Variants in MT2A observed in about 807,000 individuals in gnomAD.
MT2A encodes the protein metallothionein 2A.
A neutral mutation model predicts 9.9 loss-of-function variants in MT2A; 6 were observed. That is an observed-to-expected ratio of 0.61 (90% CI 0.33 to 1.20). The LOEUF (loss-of-function observed/expected upper bound fraction) is 1.20. MT2A is among the 50% of genes most tolerant of loss of function. The probability of loss-of-function intolerance (pLI) is 0.04; values close to 1 mark genes in which losing one functional copy is unlikely to be tolerated. For missense variants in MT2A, 57 were observed against 78.2 expected, an observed-to-expected ratio of 0.73 and a Z score of 1.02; for synonymous variants, 27 against 28.7, an observed-to-expected ratio of 0.94 and a Z score of 0.18.
chr16:56,609,188 C>T (rs746379250), intron 2 of MT2A, 75 bp from the exon 3 acceptor site: 2 of 1,612,882 alleles, frequency 1.2e-6, no homozygotes, highest in African/African-American at 1.3e-5. Context: ...CTCAGTGATC[C>T]TTATCAGGGA....
rs1959995705 is a variant in MT2A, at chr16:56,608,687, A to G, written c.28+4A>G. On this transcript the variant is annotated splice_donor_region_variant and intron_variant, in intron 1 of 2. Transcript: ENST00000245185. ...CCCAACTGCTCCTGCGCCGCCGGTAAGAGGCTGGGGATGCCCAGTGTAGAC... is the reference window on the plus strand; with the variant it reads ...CCCAACTGCTCCTGCGCCGCCGGTAGGAGGCTGGGGATGCCCAGTGTAGAC... 2 of 1,614,096 alleles carry G rather than the reference A, an allele frequency of 1.2e-6. No homozygotes were observed. Among genetic ancestry groups the G allele is most frequent in the East Asian group, 4.5e-5 (2 of 44,866 alleles).
rs2037525937 is a variant in MT2A, at chr16:56,608,591, C to T, written c.-65C>T. The T allele has an allele frequency of 1.2e-6, 2 of 1,606,158 alleles. No homozygotes were observed. The highest frequency in any genetic ancestry group is 2.7e-5 in the African/African-American group (2 of 74,808). On this transcript the variant is annotated 5_prime_UTR_variant, in exon 1 of 3. Transcript: ENST00000245185. ...CTTGCCGCGCTGCACTCCACCACGC[C>T]TCCTCCAAGTCCCAGCGAACCCGCG...
rs763453877 is a variant in MT2A, at chr16:56,609,378, A to T, written c.*24A>T. The T allele has an allele frequency of 1.0e-4, 164 of 1,611,872 alleles. No homozygotes were observed. Among genetic ancestry groups the T allele is most frequent in the Non-Finnish European group, 1.4e-4 (160 of 1,179,200 alleles). On this transcript the variant is annotated 3_prime_UTR_variant, in exon 3 of 3. Transcript: ENST00000245185. ...GATGCTGGGACAGCCCCGCTCCCAG[A>T]TGTAAAGAACGCGACTTCCACAAAC...
chr16:56,608,953 T>C (rs1165352243), intron 1 of MT2A, 39 bp from the exon 2 acceptor site: 2 of 1,604,284 alleles, frequency 1.2e-6, no homozygotes, highest in Non-Finnish European at 1.7e-6. Context: ...TGTTCAGGTA[T>C]CCAGGGACGG....
At position 56,609,421 on chromosome 16, in the gene MT2A, A is replaced by G; in HGVS notation, c.*67A>G. On this transcript the variant is annotated 3_prime_UTR_variant, in exon 3 of 3. Transcript: ENST00000245185. ...CCACAAACCTGGATTTTTTATGTAC[A>G]ACCCTGACCGTGACCGTTTGCTATA... is the stretch of plus-strand genomic sequence containing the variant. 2.5e-6 allele frequency: 4 copies of G among 1,573,292 alleles called. No individual in the cohort carries two copies. In the South Asian group the frequency reaches 4.6e-5, roughly 18 times the overall value.
chr16:56,609,085 C>T (rs1960001483), intron 2 of MT2A, 28 bp downstream of exon 2: 1 of 1,613,722 alleles, frequency 6.2e-7, no homozygotes, highest in East Asian at 2.2e-5. Flanking sequence ...TTTCCTCTAC[C>T]CCTTCCCTGT....
At position 56,609,466 on chromosome 16, in the gene MT2A, A is replaced by G; in HGVS notation, c.*112A>G. The G allele has an allele frequency of 7.4e-7, 1 of 1,354,594 alleles. No homozygotes were observed. 83.9% of individuals were successfully genotyped at this position (1,354,594 alleles called of 1,614,324 possible). On this transcript the variant is annotated 3_prime_UTR_variant, in exon 3 of 3. Coordinates refer to ENST00000245185, the MANE Select transcript of MT2A (RefSeq NM_005953.5). ...GCTATATTCCTTTTTCTATGAAATAATGTGAATGATAATAAAACAGCTTTG... is the reference window on the plus strand; with the variant it reads ...GCTATATTCCTTTTTCTATGAAATAGTGTGAATGATAATAAAACAGCTTTG...
Position 56,609,426 on chromosome 16 carries a change from T to C in MT2A, c.*72T>C. The C allele has an allele frequency of 1.3e-6, 2 of 1,540,576 alleles. No individual in the cohort carries two copies. The highest frequency in any genetic ancestry group is 1.4e-5 in the African/African-American group (1 of 72,604). On this transcript the variant is annotated 3_prime_UTR_variant, in exon 3 of 3. Transcript: ENST00000245185. ...AACCTGGATTTTTTATGTACAACCC[T>C]GACCGTGACCGTTTGCTATATTCCT... is the stretch of plus-strand genomic sequence containing the variant.
chr16:56,608,976 T>A lies in MT2A; in HGVS notation c.29-16T>A, dbSNP rs1355302521. 1 of 1,613,990 alleles carries A rather than the reference T, an allele frequency of 6.2e-7. No homozygotes were observed. Among genetic ancestry groups the A allele is most frequent in the Non-Finnish European group, 8.5e-7 (1 of 1,180,010 alleles). ...TATCCAGGGACGGTTCTCACCTCTG[T>A]CTTTTCTCCTTGCAGGTGACTCCTG... On this transcript the variant is annotated splice_polypyrimidine_tract_variant and intron_variant, in intron 1 of 2. Transcript: ENST00000245185.
rs557632239 is a variant in MT2A, at chr16:56,609,152, C to T, written c.94+95C>T. Reference sequence around the variant, plus strand: ...GGGGAATTAAAGCAGTCTGGGGATGCCCCATTGCGCGGAAATTGTTGCCTC... The same window carrying T: ...GGGGAATTAAAGCAGTCTGGGGATGTCCCATTGCGCGGAAATTGTTGCCTC... On this transcript the variant is annotated intron_variant, in intron 2 of 2. Transcript: ENST00000245185. 1.0e-4 allele frequency: 168 copies of T among 1,608,480 alleles called. 1 individual carries two copies. Among genetic ancestry groups the T allele is most frequent in the Middle Eastern group, 6.6e-4 (4 of 6,056 alleles).
Position 56,609,319 on chromosome 16 carries a change from A to C in MT2A, c.151A>C (p.Lys51Gln), listed in dbSNP as rs749620950. 1 of 1,614,210 alleles carries C rather than the reference A, an allele frequency of 6.2e-7. No individual in the cohort carries two copies. The highest frequency in any genetic ancestry group is 1.1e-5 in the South Asian group (1 of 91,084). The stretch of plus-strand genomic sequence containing the variant: ...CAAGTGTGCCCAGGGCTGCATCTGC[A>C]AAGGGGCGTCGGACAAGTGCAGCTG... ...CAKCAQGCIC[K>Q]GASDKCSCCA The change falls in exon 3 of 3, where the codon AAA becomes CAA. Residue 51 changes from lysine (K) to glutamine (Q), a missense_variant. Coordinates refer to ENST00000245185, the MANE Select transcript of MT2A (RefSeq NM_005953.5).
Position 56,608,719 on chromosome 16 carries a change from G to T in MT2A, c.28+36G>T, listed in dbSNP as rs1290397122. On this transcript the variant is annotated intron_variant, in intron 1 of 2. Coordinates refer to ENST00000245185, the MANE Select transcript of MT2A (RefSeq NM_005953.5). ...GGGGATGCCCAGTGTAGACTGTAGC[G>T]CTAGAGAAGCAATTTCTGACCCCTC... The T allele has an allele frequency of 2.5e-6, 4 of 1,613,880 alleles. No homozygotes were observed. In the East Asian group the frequency reaches 6.7e-5, roughly 27 times the overall value.
chr16:56,609,146 G>T (rs1178844083), intron 2 of MT2A, 89 bp downstream of exon 2: 1 of 1,609,908 alleles, frequency 6.2e-7, no homozygotes, highest in Non-Finnish European at 8.5e-7. Flanking sequence ...AAGCAGTCTG[G>T]GGATGCCCCA....
Position 56,609,257 on chromosome 16 carries a change from C to T in MT2A, c.95-6C>T, listed in dbSNP as rs1266248992. ...CTCATCTCTGCCGCCTCCTGTCTGC[C>T]CCCAGGCTGCTGCTCCTGCTGCCCT... On this transcript the variant is annotated splice_region_variant and splice_polypyrimidine_tract_variant and intron_variant, in intron 2 of 2. Coordinates refer to ENST00000245185, the MANE Select transcript of MT2A (RefSeq NM_005953.5). The T allele has an allele frequency of 6.2e-7, 1 of 1,614,160 alleles. No individual in the cohort carries two copies. Among genetic ancestry groups the T allele is most frequent in the Non-Finnish European group, 8.5e-7 (1 of 1,180,024 alleles).
intron 1 of MT2A, 69 bp downstream of exon 1, chr16:56,608,752 C>T: frequency 1.9e-6 from 3 of 1,599,580 alleles, no homozygotes; most frequent in Admixed American, 3.3e-5. Flanking sequence ...CTCTTTCTTT[C>T]TCTGGTCACT....
chr16:56,609,243 C>T lies in MT2A; in HGVS notation c.95-20C>T, dbSNP rs753360022. ...CGGTGTCGCTAGTACTCATCTCTGC[C>T]GCCTCCTGTCTGCCCCCAGGCTGCT... On this transcript the variant is annotated intron_variant, in intron 2 of 2. Coordinates refer to ENST00000245185, the MANE Select transcript of MT2A (RefSeq NM_005953.5). 6 of 1,613,942 alleles carry T rather than the reference C, an allele frequency of 3.7e-6. No individual in the cohort carries two copies. The South Asian group carries it at 4.4e-5, about 12-fold the overall frequency.
At chr16:56,608,737 G>A (rs1959996460) in intron 1 of MT2A, 54 bp downstream of exon 1, 2 of 1,610,966 alleles carry the variant, frequency 1.2e-6, no homozygotes, top group Non-Finnish European at 8.5e-7. Context: ...AGCAATTTCT[G>A]ACCCCTCTTT....
At chr16:56,609,219 G>C (rs1385838661) in intron 2 of MT2A, 44 bp from the exon 3 acceptor site, 3 of 1,613,676 alleles carry the variant, frequency 1.9e-6, no homozygotes, top group Non-Finnish European at 1.7e-6. Context: ...CCTTATTCCC[G>C]GTGTCGCTAG....
rs1054503 is a variant in MT2A at position 56,609,398 on chromosome 16, A to C, written c.*44A>C. ...CCCAGATGTAAAGAACGCGACTTCC[A>C]CAAACCTGGATTTTTTATGTACAAC... is the stretch of plus-strand genomic sequence containing the variant. On this transcript the variant is annotated 3_prime_UTR_variant, in exon 3 of 3. Coordinates refer to ENST00000245185, the MANE Select transcript of MT2A (RefSeq NM_005953.5). 6.2e-7 allele frequency: 1 copy of C among 1,607,898 alleles called. No individual in the cohort carries two copies. Among genetic ancestry groups the C allele is most frequent in the Non-Finnish European group, 8.5e-7 (1 of 1,177,124 alleles).
Sources: gnomAD v4.1 joint callset for allele counts on GRCh38, gnomAD v4.1.1 for gene constraint, MANE v1.5 for transcripts, NCBI Gene and HGNC (gene_info 2026-07-23, HGNC 2026-07-21) for gene names.